The following SCAMP1 variants were observed in gnomAD, a reference collection of about 807,000 sequenced individuals.
The protein encoded by SCAMP1 is secretory carrier-associated membrane protein 1.
SCAMP1 carries 15 observed loss-of-function variants against 41.8 expected under a neutral mutation model. The observed-to-expected ratio is 0.36, with a 90% CI of 0.24 to 0.55. The LOEUF (loss-of-function observed/expected upper bound fraction) is 0.55, where lower values mean the gene tolerates loss of function less well. Among genes scored for constraint, SCAMP1 ranks in the 20% least tolerant of loss-of-function variants. The pLI is 0.86. For synonymous variants in SCAMP1, 135 were observed against 136.8 expected (o/e 0.99, Z 0.09); for missense variants, 341 against 412.6 (o/e 0.83, Z 1.50).
rs528275347 is a variant in SCAMP1, at chr5:78,438,559, T to C, written c.633-11374T>C. On this transcript the variant is annotated intron_variant, in intron 6 of 8. Coordinates refer to ENST00000621999, the MANE Select transcript of SCAMP1 (RefSeq NM_004866.6). ...TTCTTAATCCTGAGTTCCAGTTTGATTGCATTGTGGTCTGAGAGACAGTTT... is the reference window on the plus strand; with the variant it reads ...TTCTTAATCCTGAGTTCCAGTTTGACTGCATTGTGGTCTGAGAGACAGTTT... Among the ~76,000 whole-genome samples, 6 of 152,346 alleles carry C rather than the reference T, an allele frequency of 3.9e-5. No homozygotes were observed. In the East Asian group the frequency reaches 9.6e-4, roughly 24 times the overall value.
intron 1 of SCAMP1, among the ~76,000 whole-genome samples, chr5:78,388,497 C>T (rs137965230): frequency 2.7e-4 from 41 of 152,214 alleles, no homozygotes; most frequent in Non-Finnish European, 4.4e-4. Flanking sequence ...AACTCTTTGT[C>T]GAGGCCAAAG....
intron 6 of SCAMP1, among the ~76,000 whole-genome samples, chr5:78,437,723 C>A (rs958575287): frequency 1.3e-5 from 2 of 152,152 alleles, no homozygotes; most frequent in African/African-American, 2.4e-5. Context: ...ATGATGCTGG[C>A]CTCATAAAAT....
At chr5:78,417,783 A>G (rs1752245007) in intron 4 of SCAMP1, among the ~76,000 whole-genome samples, 2 of 152,190 alleles carry the variant, frequency 1.3e-5, no homozygotes, top group Non-Finnish European at 2.9e-5. Context: ...CGCTTCTCAA[A>G]TAGTATGAGA....
At chr5:78,471,246 A>G (rs1293900232) in intron 8 of SCAMP1, among the ~76,000 whole-genome samples, 1 of 152,194 alleles carries the variant, frequency 6.6e-6, no homozygotes, top group Admixed American at 6.5e-5. Flanking sequence ...TAGTTCAGGC[A>G]CAAAATGGCA....
At chr5:78,427,125 A>C (rs1752488733) in intron 6 of SCAMP1, among the ~76,000 whole-genome samples, 1 of 152,202 alleles carries the variant, frequency 6.6e-6, no homozygotes. Context: ...CAGAGTGTAC[A>C]AGAACAATGG....
chr5:78,363,161 G>A (rs1235584564), intron 1 of SCAMP1, among the ~76,000 whole-genome samples: 1 of 151,396 alleles, frequency 6.6e-6, no homozygotes, highest in African/African-American at 2.4e-5. Flanking sequence ...CAAAGTGCTG[G>A]GATTACGGGC....
chr5:78,428,586 C>T (rs1752523493), intron 6 of SCAMP1, among the ~76,000 whole-genome samples: 1 of 152,070 alleles, frequency 6.6e-6, no homozygotes, highest in African/African-American at 2.4e-5. Flanking sequence ...TTTGGCTATT[C>T]AGAGTCCTTT....
Position 78,459,462 on chromosome 5 carries a change from C to T in SCAMP1, c.852+100C>T, listed in dbSNP as rs531639421. ...TTGGTGTAACCTGAAGCCATTTTATCGTTATTGTATGAGTTTGCTCTCTGA... is the reference window on the plus strand; with the variant it reads ...TTGGTGTAACCTGAAGCCATTTTATTGTTATTGTATGAGTTTGCTCTCTGA... On this transcript the variant is annotated intron_variant, in intron 8 of 8. Coordinates refer to ENST00000621999, the MANE Select transcript of SCAMP1 (RefSeq NM_004866.6). 267 of 638,840 alleles carry T rather than the reference C, an allele frequency of 4.2e-4. 3 individuals are homozygous for T. In the South Asian group the frequency reaches 5.0e-3, roughly 12 times the overall value. 39.6% of individuals were successfully genotyped at this position (638,840 alleles called of 1,614,324 possible).
chr5:78,378,725 T>C (rs558543941), intron 1 of SCAMP1, among the ~76,000 whole-genome samples: 1 of 152,374 alleles, frequency 6.6e-6, no homozygotes, highest in African/African-American at 2.4e-5. Flanking sequence ...CTAATGTCTA[T>C]GCATAGTCAG....
At chr5:78,415,315 G>C (rs1004664414) in intron 2 of SCAMP1, among the ~76,000 whole-genome samples, 1 of 152,194 alleles carries the variant, frequency 6.6e-6, no homozygotes, top group Non-Finnish European at 1.5e-5. Flanking sequence ...GTAGCAGTCT[G>C]ATTGTAGAGT....
chr5:78,396,721 G>A (rs1751660221), intron 2 of SCAMP1, among the ~76,000 whole-genome samples: 1 of 152,174 alleles, frequency 6.6e-6, no homozygotes, highest in South Asian at 2.1e-4. Flanking sequence ...TGGAAGGGCA[G>A]GAGGAGAAAA....
chr5:78,406,815 C>T (rs968244592), intron 2 of SCAMP1, among the ~76,000 whole-genome samples: 5 of 152,138 alleles, frequency 3.3e-5, no homozygotes, highest in Non-Finnish European at 5.9e-5. Flanking sequence ...TTTCATCCAT[C>T]CATGGGATGA....
chr5:78,457,513 G>T (rs1274814161), intron 7 of SCAMP1, among the ~76,000 whole-genome samples: 2 of 152,168 alleles, frequency 1.3e-5, no homozygotes, highest in African/African-American at 4.8e-5. Flanking sequence ...CAGGGGTCAG[G>T]GACCCAGTTG....
chr5:78,388,674 C>T (rs1041850080), intron 1 of SCAMP1, among the ~76,000 whole-genome samples, 163 bp from the exon 2 acceptor site: 1 of 152,188 alleles, frequency 6.6e-6, no homozygotes, highest in East Asian at 1.9e-4. Flanking sequence ...TTAAATTTCA[C>T]CATTGTTGAA....
chr5:78,370,121 A>G (rs1427954912), intron 1 of SCAMP1, among the ~76,000 whole-genome samples: 10 of 152,164 alleles, frequency 6.6e-5, no homozygotes, highest in Non-Finnish European at 1.5e-4. Context: ...TGCTCCCAGC[A>G]TTTGGGGTGA....
At chr5:78,459,750 G>C (rs762809602) in intron 8 of SCAMP1, among the ~76,000 whole-genome samples, 2 of 151,952 alleles carry the variant, frequency 1.3e-5, no homozygotes, top group Non-Finnish European at 2.9e-5. Context: ...ATATCTCTTA[G>C]GTTTTTGTTT....
intron 1 of SCAMP1, among the ~76,000 whole-genome samples, chr5:78,379,884 A>G (rs900761756): frequency 3.3e-5 from 5 of 152,028 alleles, no homozygotes; most frequent in Admixed American, 6.6e-5. Flanking sequence ...TTTCTTTTTG[A>G]GTTAATTTTG....
intron 2 of SCAMP1, among the ~76,000 whole-genome samples, chr5:78,412,948 G>A (rs937499285): frequency 6.6e-6 from 1 of 152,014 alleles, no homozygotes; most frequent in Non-Finnish European, 1.5e-5. Flanking sequence ...TACTGTTTCA[G>A]GGACTATTTT....
At chr5:78,374,001 A>G (rs905816797) in intron 1 of SCAMP1, among the ~76,000 whole-genome samples, 4 of 152,108 alleles carry the variant, frequency 2.6e-5, no homozygotes, top group Non-Finnish European at 5.9e-5. Context: ...ACCAAACTCA[A>G]TTGTCTCCAA....
Sources: allele counts gnomAD v4.1 joint callset (sites outside exome capture counted in the v4.1 genomes callset), GRCh38; gene constraint gnomAD v4.1.1; transcripts MANE v1.5; gene names NCBI Gene and HGNC (gene_info 2026-07-23, HGNC 2026-07-21).